MACROD2: variants seen among roughly 807,000 people sequenced by gnomAD.
The protein encoded by MACROD2 is ADP-ribose glycohydrolase MACROD2.
A neutral mutation model predicts 70.4 loss-of-function variants in MACROD2; 36 were observed. The ratio of observed to expected loss-of-function variants is 0.51; its 90% CI spans 0.39 to 0.68. MACROD2 has a LOEUF of 0.68. Among genes scored for constraint, MACROD2 ranks in the 30% least tolerant of loss-of-function variants. The pLI, the probability that MACROD2 is intolerant of heterozygous loss-of-function variation, is 0.00. For missense variants in MACROD2, 496 were observed against 538.4 expected (o/e 0.92, Z 0.78); for synonymous variants, 172 against 178.8 (o/e 0.96, Z 0.30).
chr20:15,793,723 A>G (rs943572029), intron 8 of MACROD2, among the ~76,000 whole-genome samples: 2 of 150,306 alleles, frequency 1.3e-5, no homozygotes, highest in African/African-American at 2.4e-5. Flanking sequence ...CATAATTTGA[A>G]CTCAGAAGTT....
At chr20:14,566,222 A>G (rs1055099818) in intron 4 of MACROD2, among the ~76,000 whole-genome samples, 10 of 152,024 alleles carry the variant, frequency 6.6e-5, no homozygotes, top group East Asian at 3.9e-4. Flanking sequence ...ATGAACAAGC[A>G]TGTTACAGAA....
intron 7 of MACROD2, among the ~76,000 whole-genome samples, chr20:15,434,268 A>C (rs2046399516): frequency 6.6e-6 from 1 of 152,068 alleles, no homozygotes; most frequent in Non-Finnish European, 1.5e-5. Flanking sequence ...AAATATTTGC[A>C]AACTATGCAT....
intron 13 of MACROD2, among the ~76,000 whole-genome samples, chr20:15,975,383 A>T (rs1601250078): frequency 6.6e-6 from 1 of 152,258 alleles, no homozygotes; most frequent in East Asian, 1.9e-4. Context: ...TATGCCTCAG[A>T]GATTTATCCT....
chr20:14,849,594 A>G (rs2073177423), intron 5 of MACROD2, among the ~76,000 whole-genome samples: 1 of 152,134 alleles, frequency 6.6e-6, no homozygotes, highest in Non-Finnish European at 1.5e-5. Context: ...AGCCTGGCCA[A>G]CACGGTGAAA....
intron 6 of MACROD2, among the ~76,000 whole-genome samples, chr20:15,396,498 T>A (rs2045861874): frequency 6.6e-6 from 1 of 152,204 alleles, no homozygotes; most frequent in Admixed American, 6.5e-5. Flanking sequence ...TTGAGCTCTA[T>A]TATAGAATCT....
At chr20:15,819,538 C>T (rs1427137646) in intron 8 of MACROD2, among the ~76,000 whole-genome samples, 6 of 146,756 alleles carry the variant, frequency 4.1e-5, no homozygotes, top group African/African-American at 1.5e-4. Flanking sequence ...AATATAGGTA[C>T]ATAAACATAT....
intron 5 of MACROD2, among the ~76,000 whole-genome samples, chr20:15,066,276 C>G (rs376355147): frequency 6.6e-6 from 1 of 151,822 alleles, no homozygotes; most frequent in Non-Finnish European, 1.5e-5. Context: ...GGATTACAGG[C>G]GCCCACCACA....
chr20:14,950,988 G>A (rs559244898), intron 5 of MACROD2, among the ~76,000 whole-genome samples: 1 of 152,242 alleles, frequency 6.6e-6, no homozygotes, highest in African/African-American at 2.4e-5. Context: ...TACTTCAAGT[G>A]TATCTTCTTT....
chr20:15,875,182 G>A (rs973997955), intron 9 of MACROD2, among the ~76,000 whole-genome samples: 6 of 152,146 alleles, frequency 3.9e-5, no homozygotes, highest in African/African-American at 1.4e-4. Flanking sequence ...CCAATGTACA[G>A]AATTGTAAGA....
intron 4 of MACROD2, among the ~76,000 whole-genome samples, chr20:14,642,115 G>A (rs748144444): frequency 5.9e-5 from 9 of 152,284 alleles, no homozygotes; most frequent in East Asian, 5.8e-4. Flanking sequence ...ATCAGCACTC[G>A]CTGCTTCACT....
At chr20:14,913,044 T>C (rs1280333487) in intron 5 of MACROD2, among the ~76,000 whole-genome samples, 2 of 151,980 alleles carry the variant, frequency 1.3e-5, no homozygotes, top group Non-Finnish European at 2.9e-5. Flanking sequence ...AAGATGAAAA[T>C]GAGGGTTGTG....
intron 5 of MACROD2, among the ~76,000 whole-genome samples, chr20:14,856,809 G>C (rs961889888): frequency 8.5e-5 from 13 of 152,050 alleles, no homozygotes; most frequent in African/African-American, 3.1e-4. Flanking sequence ...CTAGATTTGG[G>C]ATGGTTGCCG....
chr20:15,189,368 G>T (rs957768334), intron 5 of MACROD2, among the ~76,000 whole-genome samples: 1 of 151,852 alleles, frequency 6.6e-6, no homozygotes, highest in African/African-American at 2.4e-5. Flanking sequence ...GTATATGTAT[G>T]TACACGCACA....
intron 4 of MACROD2, among the ~76,000 whole-genome samples, chr20:14,582,119 TC>T (rs1213205123): frequency 6.6e-6 from 1 of 152,162 alleles, no homozygotes; most frequent in African/African-American, 2.4e-5. Flanking sequence ...GAACCACTTC[TC>T]TGAATAAACT....
At chr20:14,985,623 A>T (rs994647245) in intron 5 of MACROD2, among the ~76,000 whole-genome samples, 2 of 151,872 alleles carry the variant, frequency 1.3e-5, no homozygotes, top group Non-Finnish European at 2.9e-5. Flanking sequence ...GCTTCCAGCT[A>T]ATGGAGTAGA....
At position 15,295,977 on chromosome 20, in the gene MACROD2, C is replaced by G. The variant is rs1009623783; in HGVS notation, c.540+65916C>G. On this transcript the variant is annotated intron_variant, in intron 6 of 17. Transcript: ENST00000684519. ...CATGTAGCCCTCTCCAGCATGAGCA[C>G]AATCCTATAAAATCCCCAGCAAGCT... Among the ~76,000 whole-genome samples, 12 of 152,188 alleles carry G rather than the reference C, an allele frequency of 7.9e-5. No homozygotes were observed. The South Asian group carries it at 1.0e-3, about 13-fold the overall frequency.
In MACROD2 at chr20:15,932,098, C is replaced by T. The variant is rs139936813; in HGVS notation, c.776-1178C>T. The stretch of plus-strand genomic sequence containing the variant: ...GATGTCTCTTCTGCTCCTTGTGACA[C>T]TGGCTGAGGTCACCGCTCAGCTGCA... On this transcript the variant is annotated intron_variant, in intron 10 of 17. Transcript: ENST00000684519. 5.3e-5 allele frequency among the ~76,000 whole-genome samples: 8 copies of T among 152,296 alleles called. No homozygotes were observed. The East Asian group carries it at 1.5e-3, about 29-fold the overall frequency.
At chr20:15,306,261 T>C (rs1489348542) in intron 6 of MACROD2, among the ~76,000 whole-genome samples, 1 of 152,222 alleles carries the variant, frequency 6.6e-6, no homozygotes, top group East Asian at 1.9e-4. Context: ...TTCTGAATTA[T>C]TTGTAACTGA....
chr20:14,041,415 G>C (rs1238649327), intron 2 of MACROD2, among the ~76,000 whole-genome samples: 1 of 152,052 alleles, frequency 6.6e-6, no homozygotes, highest in Non-Finnish European at 1.5e-5. Flanking sequence ...TTTTCATTTT[G>C]AGGACATAAT....
Sources: allele counts gnomAD v4.1 joint callset (sites outside exome capture counted in the v4.1 genomes callset), GRCh38; gene constraint gnomAD v4.1.1; transcripts MANE v1.5; gene names NCBI Gene and HGNC (gene_info 2026-07-23, HGNC 2026-07-21).